The following GALNT9 variants were observed in gnomAD, a reference collection of about 807,000 sequenced individuals.
GALNT9 encodes the protein GalNAc transferase 9.
Under a neutral mutation model 63.1 loss-of-function variants are expected in GALNT9, and 47 were observed. That is an observed-to-expected ratio of 0.75 (90% CI 0.59 to 0.95). The LOEUF is 0.95. Ranked by LOEUF, GALNT9 falls within the 40% of genes least tolerant of loss-of-function variation. The probability of loss-of-function intolerance (pLI) is 0.00; values close to 1 mark genes in which losing one functional copy is unlikely to be tolerated. For synonymous variants in GALNT9, 396 were observed against 365.7 expected (o/e 1.08, Z -0.94); for missense variants, 829 against 874.8 (o/e 0.95, Z 0.66).
chr12:132,266,886 T>A (rs1397886125), intron 2 of GALNT9, among the ~76,000 whole-genome samples: 1 of 151,848 alleles, frequency 6.6e-6, no homozygotes, highest in Non-Finnish European at 1.5e-5. Flanking sequence ...TGAGCCTCTG[T>A]CATTATTTCC....
At chr12:132,209,059 C>T (rs1167850157) in intron 6 of GALNT9, among the ~76,000 whole-genome samples, 1 of 152,180 alleles carries the variant, frequency 6.6e-6, no homozygotes, top group Non-Finnish European at 1.5e-5. Flanking sequence ...GGCCCCACAG[C>T]CAGGGCGGAA....
chr12:132,202,809 T>A (rs1032454265), intron 7 of GALNT9, among the ~76,000 whole-genome samples: 6 of 152,136 alleles, frequency 3.9e-5, no homozygotes, highest in African/African-American at 1.4e-4. Flanking sequence ...TACCTGCCTT[T>A]CTTAGGGTTG....
intron 2 of GALNT9, among the ~76,000 whole-genome samples, chr12:132,263,626 C>G (rs962357591): frequency 2.6e-5 from 4 of 152,230 alleles, no homozygotes; most frequent in African/African-American, 9.6e-5. Context: ...CTGTCTCCCC[C>G]CGTGACCGGA....
rs1876100664 is a variant in GALNT9, at chr12:132,201,414, C to T, written c.1264-153G>A. ...ATGCTGAGGCCCCATCCAGTTGGGA[C>T]CCCCCAGCCTCCTAATATCCACAGA... On this transcript the variant is annotated intron_variant, in intron 7 of 10. Transcript: ENST00000328957. 8.3e-6 allele frequency: 4 copies of T among 479,530 alleles called. No individual in the cohort carries two copies. The South Asian group carries it at 8.6e-5, about 10-fold the overall frequency. The allele number at this position is 479,530 out of a possible 1,614,324, so 29.7% of individuals were successfully genotyped here.
At chr12:132,204,046 TGCACCAGCCACCTCCCCCA>T (rs1318799933) in intron 6 of GALNT9, among the ~76,000 whole-genome samples, 1 of 120,912 alleles carries the variant, frequency 8.3e-6, no homozygotes, top group Non-Finnish European at 1.7e-5. Context: ...CCCGCCCCAC[TGCACCAGCCACCTCCCCCA>T]GCACCCGAAC....
In GALNT9 at chr12:132,286,395, C is replaced by T. The variant is rs781852791; in HGVS notation, c.274G>A (p.Gly92Arg). The change falls in exon 2 of 11, where the codon GGA becomes AGA. Residue 92 changes from glycine (G) to arginine (R), a missense_variant. By Grantham distance (125) the Gly-to-Arg change is moderately radical. Coordinates refer to ENST00000328957, the MANE Select transcript of GALNT9 (RefSeq NM_001122636.2). The surrounding 1 kb of genome is among the most constrained non-coding windows in gnomAD (Gnocchi z 7.4). ...GCCAAGCCACCCTGGCCCAGGCCTC[C>T]TGGCCCCTCCACCAGGCCGATGGGC... is the stretch of plus-strand genomic sequence containing the variant. ...AKPIGLVEGP[G>R]GLGQGGLAAT... The T allele has an allele frequency of 6.4e-7, 1 of 1,550,726 alleles. No homozygotes were observed.
rs868992286 is a variant in GALNT9, at chr12:132,319,127, T to C, written c.238+9839A>G. 9.2e-5 allele frequency among the ~76,000 whole-genome samples: 14 copies of C among 152,072 alleles called. No homozygotes were observed. Among genetic ancestry groups the C allele is most frequent in the Non-Finnish European group, 1.5e-4 (10 of 68,016 alleles). ...TCATGTGAGGTGTGCTCCCCATGGT[T>C]GAAGCTAGTTGTGATGGTGAATTCT... On this transcript the variant is annotated intron_variant, in intron 1 of 10. Transcript: ENST00000328957. This position sits in a 1 kb window ranked among gnomAD's most constrained non-coding sequence, Gnocchi z 5.2.
chr12:132,198,416 CTG>C (rs1438455622), intron 9 of GALNT9, among the ~76,000 whole-genome samples: 1 of 118,894 alleles, frequency 8.4e-6, no homozygotes, highest in Non-Finnish European at 1.8e-5. Flanking sequence ...CCCCTGACCA[CTG>C]TGATTCTGCG....
intron 6 of GALNT9, among the ~76,000 whole-genome samples, chr12:132,210,493 G>A (rs976528183): frequency 2.0e-5 from 3 of 152,164 alleles, no homozygotes; most frequent in Non-Finnish European, 4.4e-5. Flanking sequence ...GGTGCAGCTG[G>A]AGGACTGAGT....
At chr12:132,304,019 T>G (rs183841162) in intron 1 of GALNT9, among the ~76,000 whole-genome samples, 4 of 8,222 alleles carry the variant, frequency 4.9e-4, no homozygotes, top group Admixed American at 1.8e-3. Flanking sequence ...GCACACCCTC[T>G]CCGGGGCACA....
chr12:132,262,389 C>T, intron 3 of GALNT9, 70 bp downstream of exon 3: 2 of 1,499,132 alleles, frequency 1.3e-6, no homozygotes, highest in South Asian at 1.3e-5. Context: ...GGAGGCTCCA[C>T]CCAACCCCAA....
chr12:132,267,869 T>TAAAACCCACATGCACTCACACGCAC (rs1879691737), intron 2 of GALNT9, among the ~76,000 whole-genome samples: 1 of 117,860 alleles, frequency 8.5e-6, no homozygotes, highest in Non-Finnish European at 1.6e-5. Context: ...CACACACGCA[T>TAAAACCCACATGCACTCACACGCAC]ACAACCCACA....
chr12:132,219,751 G>A (rs1237535978), intron 6 of GALNT9, among the ~76,000 whole-genome samples: 6 of 122,368 alleles, frequency 4.9e-5, no homozygotes, highest in African/African-American at 1.6e-4. Context: ...GTAAGGGGAA[G>A]GGACACCTCC....
At chr12:132,258,945 C>G (rs1446971626) in intron 4 of GALNT9, among the ~76,000 whole-genome samples, 1 of 152,172 alleles carries the variant, frequency 6.6e-6, no homozygotes, top group Admixed American at 6.5e-5. Flanking sequence ...AGGGCAGATT[C>G]GGGTCGGCTC....
At position 132,252,923 on chromosome 12, in the gene GALNT9, G is replaced by A. The variant is rs1470902740; in HGVS notation, c.959+4766C>T. On this transcript the variant is annotated intron_variant, in intron 5 of 10. Transcript: ENST00000328957. The surrounding 1 kb of genome is among the most constrained non-coding windows in gnomAD (Gnocchi z 5.2). Reference sequence around the variant, plus strand: ...ACGGAGACCAGTAGTGGCCCCGAACGGCTGGGTGCGCTGATATTTATTGCA... The same window carrying A: ...ACGGAGACCAGTAGTGGCCCCGAACAGCTGGGTGCGCTGATATTTATTGCA... Among the ~76,000 whole-genome samples, 1 of 151,704 alleles carries A rather than the reference G, an allele frequency of 6.6e-6. No homozygotes were observed. Among genetic ancestry groups the A allele is most frequent in the Non-Finnish European group, 1.5e-5 (1 of 67,946 alleles).
At chr12:132,256,100 T>A (rs1215963916) in intron 5 of GALNT9, among the ~76,000 whole-genome samples, 2 of 152,172 alleles carry the variant, frequency 1.3e-5, no homozygotes, top group African/African-American at 4.8e-5. Flanking sequence ...ATGAAATGCA[T>A]CCATGTGATC....
chr12:132,276,601 C>T (rs115842281), intron 2 of GALNT9: 82 of 154,580 alleles, frequency 5.3e-4, no homozygotes, highest in African/African-American at 1.7e-3. Context: ...ATGAGGAGTC[C>T]GCAAACACAG....
intron 6 of GALNT9, among the ~76,000 whole-genome samples, chr12:132,210,097 A>C (rs1165226712): frequency 6.6e-6 from 1 of 152,204 alleles, no homozygotes; most frequent in Non-Finnish European, 1.5e-5. Flanking sequence ...AGGGGCCGTC[A>C]CTAACTGCAG....
At chr12:132,202,894 A>G (rs1876278420) in intron 7 of GALNT9, among the ~76,000 whole-genome samples, 1 of 152,182 alleles carries the variant, frequency 6.6e-6, no homozygotes, top group Non-Finnish European at 1.5e-5. Context: ...AACAAACAGC[A>G]ATCCTCAACT....
Sources: gnomAD v4.1 joint callset for allele counts (sites outside exome capture counted in the v4.1 genomes callset) on GRCh38, gnomAD v4.1.1 for gene constraint, Gnocchi (gnomAD v3.1) non-coding constraint, MANE v1.5 for transcripts, NCBI Gene and HGNC (gene_info 2026-07-23, HGNC 2026-07-21) for gene names.